The following ZC3H3 variants were observed in gnomAD, a reference collection of about 807,000 sequenced individuals.
The protein encoded by ZC3H3 is zinc finger CCCH-type containing 3, also known as zinc finger CCCH domain-containing protein 3.
ZC3H3 carries 36 observed loss-of-function variants against 77.3 expected under a neutral mutation model. The observed-to-expected ratio is 0.47, with a 90% CI of 0.36 to 0.61. The LOEUF (loss-of-function observed/expected upper bound fraction) is 0.61. ZC3H3 is among the 20% of genes least tolerant of loss of function. The pLI, the probability that ZC3H3 is intolerant of heterozygous loss-of-function variation, is 0.00. For synonymous variants in ZC3H3, 626 were observed against 555.2 expected (o/e 1.13, Z -1.79); for missense variants, 1,331 against 1,312.2 (o/e 1.01, Z -0.22).
chr8:143,528,814 TGCCCAG>T (rs1398790163), intron 3 of ZC3H3, among the ~76,000 whole-genome samples: 2 of 152,198 alleles, frequency 1.3e-5, no homozygotes, highest in East Asian at 1.9e-4. Context: ...CCCTCCCTTC[TGCCCAG>T]GTCCAGTCCT....
At chr8:143,523,296 C>T (rs1351813958) in intron 3 of ZC3H3, 5 of 984,088 alleles carry the variant, frequency 5.1e-6, no homozygotes, top group Non-Finnish European at 4.8e-6. Context: ...CAAAGACAGA[C>T]GCACGATGAA....
rs1403396877 is a variant in ZC3H3, at chr8:143,530,275, C to T, written c.1561+5982G>A. Among the ~76,000 whole-genome samples the T allele has an allele frequency of 6.6e-6, 1 of 152,124 alleles. No individual in the cohort carries two copies. The highest frequency in any genetic ancestry group is 1.5e-5 in the Non-Finnish European group (1 of 68,012). On this transcript the variant is annotated intron_variant, in intron 3 of 11. Coordinates refer to ENST00000262577, the MANE Select transcript of ZC3H3 (RefSeq NM_015117.3). The surrounding 1 kb of genome is among the most constrained non-coding windows in gnomAD (Gnocchi z 4.3). Reference sequence around the variant, plus strand: ...CACACTGGCGACAAGTCTGGGAAGGCGGCTGCTTCCCAGGCAGGGCCCTGG... The same window carrying T: ...CACACTGGCGACAAGTCTGGGAAGGTGGCTGCTTCCCAGGCAGGGCCCTGG...
chr8:143,470,130 C>A (rs1431349889), intron 5 of ZC3H3, among the ~76,000 whole-genome samples: 1 of 152,168 alleles, frequency 6.6e-6, no homozygotes, highest in Non-Finnish European at 1.5e-5. Context: ...CTGGAGCCCC[C>A]CCCACTCCTC....
chr8:143,446,742 C>T (rs28647274), intron 9 of ZC3H3, among the ~76,000 whole-genome samples: 212 of 152,374 alleles, frequency 1.4e-3, no homozygotes, highest in African/African-American at 5.0e-3. Flanking sequence ...GGCCAGGTGG[C>T]CTGGGTGGGC....
At chr8:143,459,579 C>T (rs1820204631) in intron 9 of ZC3H3, among the ~76,000 whole-genome samples, 1 of 152,032 alleles carries the variant, frequency 6.6e-6, no homozygotes, top group Non-Finnish European at 1.5e-5. Context: ...GATTACACAT[C>T]ATAACCAATT....
chr8:143,463,277 G>A (rs10111556), intron 9 of ZC3H3, among the ~76,000 whole-genome samples: 33,908 of 151,976 alleles, frequency 0.22, 4,442 homozygotes, highest in Non-Finnish European at 0.3. Flanking sequence ...GAGCCACCGC[G>A]CCCGGCCCAG....
At chr8:143,535,460 G>A (rs954880590) in intron 3 of ZC3H3, among the ~76,000 whole-genome samples, 1 of 152,152 alleles carries the variant, frequency 6.6e-6, no homozygotes, top group South Asian at 2.1e-4. Flanking sequence ...CTGCCCTAAC[G>A]CGCCCAGCAG....
At chr8:143,454,898 C>T (rs906227387) in intron 9 of ZC3H3, among the ~76,000 whole-genome samples, 7 of 151,998 alleles carry the variant, frequency 4.6e-5, no homozygotes, top group Non-Finnish European at 1.0e-4. Flanking sequence ...CACTTGTGTC[C>T]GGGTAACCCT....
Position 143,462,280 on chromosome 8 carries a change from C to G in ZC3H3, c.2307+3437G>C, listed in dbSNP as rs574196803. Among the ~76,000 whole-genome samples, 1 of 152,144 alleles carries G rather than the reference C, an allele frequency of 6.6e-6. No individual in the cohort carries two copies. Among genetic ancestry groups the G allele is most frequent in the Admixed American group, 6.5e-5 (1 of 15,282 alleles). ...GAGGAAGTAACCGTGCAGGGACAAG[C>G]GACACCCACAGCTGCCTCTTGAGCC... On this transcript the variant is annotated intron_variant, in intron 9 of 11. Coordinates refer to ENST00000262577, the MANE Select transcript of ZC3H3 (RefSeq NM_015117.3). This position sits in a 1 kb window ranked among gnomAD's most constrained non-coding sequence, Gnocchi z 4.7.
chr8:143,511,887 G>A (rs139629513), intron 3 of ZC3H3, among the ~76,000 whole-genome samples: 86 of 152,346 alleles, frequency 5.6e-4, no homozygotes, highest in African/African-American at 1.7e-3. Flanking sequence ...CCAAGCCTCC[G>A]CAGGCTTCAT....
intron 1 of ZC3H3, among the ~76,000 whole-genome samples, chr8:143,539,853 T>C (rs2130530225): frequency 6.6e-6 from 1 of 152,362 alleles, no homozygotes; most frequent in African/African-American, 2.4e-5. Context: ...AGATTCATAG[T>C]CTTCCCTGCA....
rs1225878310 is a variant in ZC3H3 at position 143,465,864 on chromosome 8, G to C, written c.2176-16C>G. 6.2e-7 allele frequency: 1 copy of C among 1,605,590 alleles called. No individual in the cohort carries two copies. The highest frequency in any genetic ancestry group is 1.7e-5 in the Admixed American group (1 of 59,858). On this transcript the variant is annotated splice_polypyrimidine_tract_variant and intron_variant, in intron 8 of 11. Transcript: ENST00000262577. ...ACACCGGCATCTGCAGGGAGGGCCG[G>C]CAGTGAGGGCCAGCAGGCAGCCACC...
At chr8:143,467,060 G>C (rs1820427741) in intron 8 of ZC3H3, among the ~76,000 whole-genome samples, 1 of 152,214 alleles carries the variant, frequency 6.6e-6, no homozygotes, top group Non-Finnish European at 1.5e-5. Flanking sequence ...TTAACGAGCG[G>C]GAGTTTATTT....
chr8:143,479,335 G>A (rs1248308810), intron 4 of ZC3H3, among the ~76,000 whole-genome samples: 1 of 152,188 alleles, frequency 6.6e-6, no homozygotes, highest in Non-Finnish European at 1.5e-5. Flanking sequence ...TAATGGAGAG[G>A]ATGGCCTTTG....
intron 2 of ZC3H3, among the ~76,000 whole-genome samples, chr8:143,537,663 C>T (rs1273178237): frequency 6.9e-6 from 1 of 145,306 alleles, no homozygotes; most frequent in Non-Finnish European, 1.5e-5. Flanking sequence ...GGGAGCTACT[C>T]CCCCTGCGCC....
At chr8:143,527,671 T>C (rs548654518) in intron 3 of ZC3H3, among the ~76,000 whole-genome samples, 47 of 152,328 alleles carry the variant, frequency 3.1e-4, no homozygotes, top group African/African-American at 1.1e-3. Context: ...ACTGCTCTCA[T>C]GCCCTTTCAC....
At chr8:143,503,481 C>T (rs1821589726) in intron 4 of ZC3H3, among the ~76,000 whole-genome samples, 1 of 151,974 alleles carries the variant, frequency 6.6e-6, no homozygotes, top group Admixed American at 6.6e-5. Flanking sequence ...CACTGGTCAG[C>T]ACCCAGCCAT....
chr8:143,541,005 T>C (rs985006297), intron 1 of ZC3H3, among the ~76,000 whole-genome samples: 1 of 152,180 alleles, frequency 6.6e-6, no homozygotes, highest in Non-Finnish European at 1.5e-5. Flanking sequence ...CTTAGCCTGC[T>C]CTGCCGAAAT....
At chr8:143,472,999 G>T (rs955930435) in intron 5 of ZC3H3, among the ~76,000 whole-genome samples, 2 of 152,208 alleles carry the variant, frequency 1.3e-5, no homozygotes, top group Non-Finnish European at 2.9e-5. Flanking sequence ...AGCAGGGCAG[G>T]GCCTGCAGAC....
Sources: allele counts gnomAD v4.1 joint callset (sites outside exome capture counted in the v4.1 genomes callset), GRCh38; gene constraint gnomAD v4.1.1; non-coding constraint Gnocchi (gnomAD v3.1); transcripts MANE v1.5; gene names NCBI Gene and HGNC (gene_info 2026-07-23, HGNC 2026-07-21).